Variants in FAM124B observed in about 807,000 individuals in gnomAD.
FAM124B encodes the protein protein FAM124B.
Under a neutral mutation model 19.7 loss-of-function variants are expected in FAM124B, and 18 were observed. The ratio of observed to expected loss-of-function variants is 0.92; its 90% CI spans 0.63 to 1.36. The LOEUF (loss-of-function observed/expected upper bound fraction) is 1.36, where lower values mean the gene tolerates loss of function less well. FAM124B is among the 40% of genes most tolerant of loss of function. FAM124B has a pLI of 0.00. For missense variants in FAM124B, 540 were observed against 553.3 expected, an observed-to-expected ratio of 0.98 and a Z score of 0.24; for synonymous variants, 223 against 225.2, an observed-to-expected ratio of 0.99 and a Z score of 0.09.
intron 1 of FAM124B, among the ~76,000 whole-genome samples, chr2:224,391,707 A>C (rs1380978531): frequency 6.6e-6 from 1 of 152,232 alleles, no homozygotes; most frequent in African/African-American, 2.4e-5. Context: ...CTTTGGAGAC[A>C]GAGAGACCTG....
In FAM124B at chr2:224,379,286, G is replaced by T; in HGVS notation, c.*287C>A. 2.8e-6 allele frequency: 1 copy of T among 359,774 alleles called. No homozygotes were observed. Among genetic ancestry groups the T allele is most frequent in the Middle Eastern group, 8.2e-4 (1 of 1,226 alleles). 22.3% of individuals were successfully genotyped at this position (359,774 alleles called of 1,614,324 possible). On this transcript the variant is annotated 3_prime_UTR_variant, in exon 2 of 2. Coordinates refer to ENST00000409685, the MANE Select transcript of FAM124B (RefSeq NM_001122779.2). Reference sequence around the variant, plus strand: ...ATACAATGCAATTATCCTGATAGGTGCTGGATTCAACACATCCAGCTGGGT... The same window carrying T: ...ATACAATGCAATTATCCTGATAGGTTCTGGATTCAACACATCCAGCTGGGT...
At chr2:224,384,654 C>T (rs1241025934) in intron 1 of FAM124B, among the ~76,000 whole-genome samples, 1 of 152,206 alleles carries the variant, frequency 6.6e-6, no homozygotes, top group Non-Finnish European at 1.5e-5. Flanking sequence ...CTGAAATCTT[C>T]AGCAGCACCA....
At chr2:224,382,099 C>T (rs566764579) in intron 1 of FAM124B, among the ~76,000 whole-genome samples, 10 of 152,284 alleles carry the variant, frequency 6.6e-5, no homozygotes, top group African/African-American at 1.7e-4. Context: ...AAAACAAGGA[C>T]TTCCACTGAT....
intron 1 of FAM124B, among the ~76,000 whole-genome samples, chr2:224,388,565 G>A (rs1460966341): frequency 6.6e-6 from 1 of 152,186 alleles, no homozygotes; most frequent in Non-Finnish European, 1.5e-5. Context: ...CCAAGGGCAG[G>A]GGACAACGGT....
At chr2:224,382,230 A>G (rs1054120700) in intron 1 of FAM124B, among the ~76,000 whole-genome samples, 3 of 152,216 alleles carry the variant, frequency 2.0e-5, no homozygotes, top group Non-Finnish European at 4.4e-5. Flanking sequence ...GCAGCCATAG[A>G]CAATATATAA....
At chr2:224,392,092 T>G (rs979541886) in intron 1 of FAM124B, among the ~76,000 whole-genome samples, 3 of 152,194 alleles carry the variant, frequency 2.0e-5, no homozygotes, top group African/African-American at 7.2e-5. Flanking sequence ...TCAATACAAT[T>G]AATGCTAAAT....
chr2:224,388,198 G>T (rs1689828391), intron 1 of FAM124B, among the ~76,000 whole-genome samples: 1 of 152,158 alleles, frequency 6.6e-6, no homozygotes, highest in Admixed American at 6.5e-5. Context: ...CAAAGATTTA[G>T]GTATGAAATG....
intron 1 of FAM124B, among the ~76,000 whole-genome samples, chr2:224,381,893 A>T (rs1689724631): frequency 6.6e-6 from 1 of 152,240 alleles, no homozygotes; most frequent in African/African-American, 2.4e-5. Context: ...ATACATATTT[A>T]TCTTACAAGG....
Position 224,401,918 on chromosome 2 carries a change from T to A in FAM124B, c.-150A>T. The A allele has an allele frequency of 3.3e-6, 3 of 904,226 alleles. No individual in the cohort carries two copies. The highest frequency in any genetic ancestry group is 4.9e-6 in the Non-Finnish European group (3 of 609,970). 56.0% of individuals were successfully genotyped at this position (904,226 alleles called of 1,614,324 possible). On this transcript the variant is annotated 5_prime_UTR_variant, in exon 1 of 2. Transcript: ENST00000409685. ...TTCTGAGCAGAGCTCTTAACCAGACTAACACGTGCTCCTGGCCACCCGTGG... is the reference window on the plus strand; with the variant it reads ...TTCTGAGCAGAGCTCTTAACCAGACAAACACGTGCTCCTGGCCACCCGTGG...
chr2:224,387,037 T>G (rs560234305), intron 1 of FAM124B, among the ~76,000 whole-genome samples: 59 of 152,286 alleles, frequency 3.9e-4, no homozygotes, highest in African/African-American at 1.4e-3. Flanking sequence ...GAGTGTAAGG[T>G]TATTAACATA....
At chr2:224,387,417 CAAG>C (rs1274641466) in intron 1 of FAM124B, among the ~76,000 whole-genome samples, 1 of 151,994 alleles carries the variant, frequency 6.6e-6, no homozygotes, top group Non-Finnish European at 1.5e-5. Flanking sequence ...TAAGTGATTC[CAAG>C]AAGATAGCAA....
intron 1 of FAM124B, among the ~76,000 whole-genome samples, chr2:224,395,502 C>T (rs900105940): frequency 1.5e-4 from 23 of 152,144 alleles, no homozygotes; most frequent in Admixed American, 2.6e-4. Flanking sequence ...GAGGCAAAAG[C>T]ACAGGGAGAA....
intron 1 of FAM124B, among the ~76,000 whole-genome samples, chr2:224,400,692 T>C (rs990049598): frequency 6.6e-6 from 1 of 152,104 alleles, no homozygotes; most frequent in African/African-American, 2.4e-5. Context: ...TTTAATAGGA[T>C]TCTGATCTTT....
At position 224,385,533 on chromosome 2, in the gene FAM124B, G is replaced by T. The variant is rs369345692; in HGVS notation, c.733-5325C>A. On this transcript the variant is annotated intron_variant, in intron 1 of 1. Coordinates refer to ENST00000409685, the MANE Select transcript of FAM124B (RefSeq NM_001122779.2). Reference sequence around the variant, plus strand: ...CTAGGCCTTCAGTTAGCGTCTAAATGATGAAGGCTCCCAAAAGTGTAACTA... The same window carrying T: ...CTAGGCCTTCAGTTAGCGTCTAAATTATGAAGGCTCCCAAAAGTGTAACTA... 2.8e-4 allele frequency among the ~76,000 whole-genome samples: 43 copies of T among 152,278 alleles called. 1 individual carries two copies. The East Asian group carries it at 5.4e-3, about 19-fold the overall frequency.
rs199819589 is a variant in FAM124B, at chr2:224,401,773, G to A, written c.-5C>T. The A allele has an allele frequency of 3.7e-6, 6 of 1,608,392 alleles. No individual in the cohort carries two copies. The African/African-American group carries it at 8.0e-5, about 22-fold the overall frequency. Reference sequence around the variant, plus strand: ...AGGCCCCTGTGTCTCATCCATGGAGGAACTGCCTGAGGCTGACAAAGACAG... The same window carrying A: ...AGGCCCCTGTGTCTCATCCATGGAGAAACTGCCTGAGGCTGACAAAGACAG... On this transcript the variant is annotated 5_prime_UTR_variant, in exon 1 of 2. Coordinates refer to ENST00000409685, the MANE Select transcript of FAM124B (RefSeq NM_001122779.2).
chr2:224,389,649 T>A (rs1689849617), intron 1 of FAM124B, among the ~76,000 whole-genome samples: 1 of 152,084 alleles, frequency 6.6e-6, no homozygotes, highest in South Asian at 2.1e-4. Context: ...GGGCTGCAGA[T>A]GATGACTTGG....
At position 224,380,028 on chromosome 2, in the gene FAM124B, T is replaced by A. The variant is rs1168417944; in HGVS notation, c.913A>T (p.Thr305Ser). The A allele has an allele frequency of 1.3e-6, 2 of 1,551,666 alleles. No individual in the cohort carries two copies. Among genetic ancestry groups the A allele is most frequent in the East Asian group, 4.9e-5 (2 of 40,898 alleles). Residue 305 changes from threonine to serine, a missense_variant, in exon 2 of 2, where the codon ACA becomes TCA. By Grantham distance (58) the Thr-to-Ser change is moderately conservative. Transcript: ENST00000409685. ...LELPEPSGSP[T>S]SDRCAGTSWK... Reference sequence around the variant, plus strand: ...GAAGTGCCAGCACACCTGTCTGATGTGGGGCTCCCACTGGGCTCAGGAAGC... The same window carrying A: ...GAAGTGCCAGCACACCTGTCTGATGAGGGGCTCCCACTGGGCTCAGGAAGC...
chr2:224,395,024 C>A (rs976418968), intron 1 of FAM124B, among the ~76,000 whole-genome samples: 3 of 152,158 alleles, frequency 2.0e-5, no homozygotes, highest in Admixed American at 6.5e-5. Flanking sequence ...CCTTGCTGAG[C>A]GTTTCAAGTG....
At position 224,379,813 on chromosome 2, in the gene FAM124B, C is replaced by A. The variant is rs1296241443; in HGVS notation, c.1128G>T (p.Gln376His). ...GLTIINSEPR[Q>H]TYFGGFPRDL... ...CCCTTGGAAATCCGCCAAAATAAGT[C>A]TGCCTGGGTTCAGAATTTATGATGG... is the stretch of plus-strand genomic sequence containing the variant. Residue 376 changes from glutamine to histidine, a missense_variant, in exon 2 of 2, where the codon CAG (glutamine) becomes CAT (histidine). Physicochemically the swap from Gln to His is conservative, Grantham distance 24. Transcript: ENST00000409685. 6.4e-7 allele frequency: 1 copy of A among 1,551,776 alleles called. No individual in the cohort carries two copies. The highest frequency in any genetic ancestry group is 2.4e-5 in the East Asian group (1 of 40,934).
Sources: gnomAD v4.1 joint callset for allele counts (sites outside exome capture counted in the v4.1 genomes callset) on GRCh38, gnomAD v4.1.1 for gene constraint, MANE v1.5 for transcripts, NCBI Gene and HGNC (gene_info 2026-07-23, HGNC 2026-07-21) for gene names.